The following RGS6 variants were observed in gnomAD, a reference collection of about 807,000 sequenced individuals.
The protein encoded by RGS6 is regulator of G protein signaling 6, also known as regulator of G-protein signaling 6.
Under a neutral mutation model 78.5 loss-of-function variants are expected in RGS6, and 30 were observed. The observed-to-expected ratio is 0.38, with a 90% CI of 0.29 to 0.52. RGS6 has a LOEUF of 0.52. RGS6 is among the 20% of genes least tolerant of loss of function. RGS6 has a pLI of 0.85. For missense variants in RGS6, 495 were observed against 609.7 expected, an observed-to-expected ratio of 0.81 and a Z score of 1.98; for synonymous variants, 206 against 206.0, an observed-to-expected ratio of 1.00 and a Z score of 0.00.
chr14:72,569,376 C>G (rs2097717618), downstream of RGS6, among the ~76,000 whole-genome samples: 1 of 151,946 alleles, frequency 6.6e-6, no homozygotes, highest in African/African-American at 2.4e-5. Flanking sequence ...GTAGTTTTGC[C>G]TTTTTTAGAA....
the RGS6 span, among the ~76,000 whole-genome samples, chr14:71,876,188 C>T: frequency 6.6e-6 from 1 of 152,092 alleles, no homozygotes; most frequent in Non-Finnish European, 1.5e-5. Context: ...GAGTTCAATT[C>T]CTGGATATCC....
chr14:72,248,240 T>G (rs1224255412), intron 2 of RGS6, among the ~76,000 whole-genome samples: 1 of 152,218 alleles, frequency 6.6e-6, no homozygotes, highest in Non-Finnish European at 1.5e-5. Flanking sequence ...CTATATGACA[T>G]GTACTATCAT....
At chr14:72,384,625 G>T (rs1284273605) in intron 3 of RGS6, among the ~76,000 whole-genome samples, 2 of 152,172 alleles carry the variant, frequency 1.3e-5, no homozygotes, top group African/African-American at 4.8e-5. Context: ...TGTACTCTGT[G>T]ATCCTCTTTT....
intron 2 of RGS6, among the ~76,000 whole-genome samples, chr14:72,133,247 T>C (rs1227934209): frequency 1.3e-5 from 2 of 152,172 alleles, no homozygotes; most frequent in African/African-American, 4.8e-5. Context: ...ATCCTTTACC[T>C]ACCTTGCCTT....
At chr14:71,976,126 C>T (rs28829720) in intron 2 of RGS6, among the ~76,000 whole-genome samples, 2,547 of 151,554 alleles carry the variant, frequency 0.017, 70 homozygotes, top group African/African-American at 0.056. Context: ...AATTCCTAAA[C>T]TTATTAATCA....
rs142977483 is a variant in RGS6, at chr14:72,080,635, T to G, written c.84+115760T>G. 2.3e-3 allele frequency among the ~76,000 whole-genome samples: 353 copies of G among 152,246 alleles called. 3 individuals are homozygous for G. Among genetic ancestry groups the G allele is most frequent in the African/African-American group, 8.1e-3 (335 of 41,570 alleles). On this transcript the variant is annotated intron_variant, in intron 2 of 17. Transcript: ENST00000553525. ...GCTTTTCCCCTGTGTTTTCTTCTAG[T>G]AATTTTACAGTTTCGAATCTTAGGT...
chr14:71,990,453 T>C (rs536723425), intron 2 of RGS6: 55 of 369,106 alleles, frequency 1.5e-4, no homozygotes, highest in Admixed American at 8.4e-4. Context: ...AAGGTTTGTG[T>C]CCTTTGGGAC....
intron 2 of RGS6, among the ~76,000 whole-genome samples, chr14:72,040,878 C>T (rs940605401): frequency 9.2e-5 from 14 of 152,068 alleles, no homozygotes; most frequent in Admixed American, 2.0e-4. Flanking sequence ...TCTTCCAATT[C>T]AGTTGTTGTA....
intron 2 of RGS6, among the ~76,000 whole-genome samples, chr14:72,269,007 T>A (rs1475768030): frequency 6.6e-6 from 1 of 152,238 alleles, no homozygotes; most frequent in African/African-American, 2.4e-5. Flanking sequence ...AGTGCCATCT[T>A]TCCACCTGCT....
chr14:72,350,241 A>G (rs1299608497), intron 2 of RGS6, among the ~76,000 whole-genome samples: 1 of 152,194 alleles, frequency 6.6e-6, no homozygotes, highest in Non-Finnish European at 1.5e-5. Flanking sequence ...GAAACCCAGA[A>G]GAGTCCAGTG....
chr14:72,575,939 T>A, the RGS6 span, among the ~76,000 whole-genome samples: 1 of 152,354 alleles, frequency 6.6e-6, no homozygotes, highest in African/African-American at 2.4e-5. Flanking sequence ...CTTCCTAAAC[T>A]GCTCCAAGAA....
At chr14:72,178,564 A>G (rs1036347365) in intron 2 of RGS6, among the ~76,000 whole-genome samples, 3 of 152,242 alleles carry the variant, frequency 2.0e-5, no homozygotes, top group Admixed American at 2.0e-4. Flanking sequence ...AGTCAGGGCC[A>G]GGTCAGTTTG....
chr14:72,222,426 C>CA (rs1299958003), intron 2 of RGS6, among the ~76,000 whole-genome samples: 1 of 152,214 alleles, frequency 6.6e-6, no homozygotes, highest in Non-Finnish European at 1.5e-5. Context: ...TCAGCAGTAG[C>CA]ATGTGCCCTG....
At chr14:72,409,757 C>G (rs2093255040) in intron 3 of RGS6, among the ~76,000 whole-genome samples, 1 of 152,086 alleles carries the variant, frequency 6.6e-6, no homozygotes, top group South Asian at 2.1e-4. Context: ...TGTTCCCCTT[C>G]CTGTGTCCAT....
At chr14:72,144,378 C>A (rs2096580062) in intron 2 of RGS6, among the ~76,000 whole-genome samples, 1 of 152,154 alleles carries the variant, frequency 6.6e-6, no homozygotes, top group African/African-American at 2.4e-5. Flanking sequence ...TTTAAAACCC[C>A]TTTCCCCCGA....
the RGS6 span, among the ~76,000 whole-genome samples, chr14:71,875,181 C>CTG: frequency 6.6e-6 from 1 of 152,150 alleles, no homozygotes; most frequent in Admixed American, 6.5e-5. Context: ...GGAGGATTCC[C>CTG]TCTTTTTCTA....
the RGS6 span, among the ~76,000 whole-genome samples, chr14:71,926,709 T>C: frequency 6.6e-6 from 1 of 152,126 alleles, no homozygotes; most frequent in Non-Finnish European, 1.5e-5. Flanking sequence ...CTTAAATTAA[T>C]TAGAATATAG....
intron 2 of RGS6, among the ~76,000 whole-genome samples, chr14:71,983,979 A>T (rs2094573548): frequency 6.6e-6 from 1 of 152,178 alleles, no homozygotes; most frequent in African/African-American, 2.4e-5. Flanking sequence ...AATAAAAAGT[A>T]GCGTGGCACA....
chr14:72,454,611 C>T, intron 4 of RGS6, 33 bp downstream of exon 4: 2 of 1,595,096 alleles, frequency 1.3e-6, no homozygotes, highest in Non-Finnish European at 8.6e-7. Flanking sequence ...CTTATCTCCC[C>T]TGGTATCAGT....
Sources: gnomAD v4.1 joint callset for allele counts (sites outside exome capture counted in the v4.1 genomes callset) on GRCh38, gnomAD v4.1.1 for gene constraint, MANE v1.5 for transcripts, NCBI Gene and HGNC (gene_info 2026-07-23, HGNC 2026-07-21) for gene names.